Variants in WDR27 observed in about 807,000 individuals in gnomAD.
The protein encoded by WDR27 is WD repeat domain 27.
Under a neutral mutation model 114.4 loss-of-function variants are expected in WDR27, and 100 were observed. That is an observed-to-expected ratio of 0.87 (90% confidence interval 0.74 to 1.03). WDR27 has a LOEUF of 1.03. Among genes scored for constraint, WDR27 ranks in the 50% least tolerant of loss-of-function variants. The pLI, the probability that WDR27 is intolerant of heterozygous loss-of-function variation, is 0.00. For missense variants in WDR27, 1,129 were observed against 1,092.9 expected (o/e 1.03, Z -0.47); for synonymous variants, 449 against 423.1 (o/e 1.06, Z -0.75).
At chr6:169,583,301 G>GA (rs1202818129) in intron 23 of WDR27, among the ~76,000 whole-genome samples, 13 of 21,286 alleles carry the variant, frequency 6.1e-4, no homozygotes, top group South Asian at 5.3e-3. Context: ...AAATTGAATG[G>GA]AAAAAAAAAA....
intron 25 of WDR27, among the ~76,000 whole-genome samples, chr6:169,461,718 C>G (rs1784930704): frequency 7.1e-6 from 1 of 141,032 alleles, no homozygotes; most frequent in South Asian, 2.2e-4. Context: ...AGAGAAAGAA[C>G]AACAAGTGTT....
intron 8 of WDR27, among the ~76,000 whole-genome samples, chr6:169,662,856 C>T (rs1352844548): frequency 2.2e-5 from 3 of 139,454 alleles, no homozygotes; most frequent in Non-Finnish European, 3.1e-5. Context: ...GACGCGTGTG[C>T]ACCGCGGAGT....
rs556000474 is a variant in WDR27 at position 169,617,043 on chromosome 6, TA to T, written c.2224-3388del. On this transcript the variant is annotated intron_variant, in intron 21 of 25. Coordinates refer to ENST00000448612, the MANE Select transcript of WDR27 (RefSeq NM_182552.5). ...GACACCATGTGTAAGAGGCTAACGC[TA>T]GGCTCAACAATGCACAATGTTGCTG... Among the ~76,000 whole-genome samples the T allele has an allele frequency of 1.5e-3, 226 of 152,286 alleles. 1 individual carries two copies. The highest frequency in any genetic ancestry group is 2.3e-3 in the Non-Finnish European group (155 of 68,012).
chr6:169,666,996 A>G, intron 6 of WDR27, 140 bp downstream of exon 6: 1 of 1,279,774 alleles, frequency 7.8e-7, no homozygotes, highest in Non-Finnish European at 9.9e-7. Flanking sequence ...TGTGGACGGG[A>G]GTGAAGGGCT....
At position 169,644,585 on chromosome 6, in the gene WDR27, C is replaced by T. The variant is rs933278236; in HGVS notation, c.1658-799G>A. Among the ~76,000 whole-genome samples the T allele has an allele frequency of 6.7e-5, 10 of 149,786 alleles. 1 individual carries two copies. In the South Asian group the frequency reaches 1.3e-3, roughly 19 times the overall value. On this transcript the variant is annotated intron_variant, in intron 16 of 25. Coordinates refer to ENST00000448612, the MANE Select transcript of WDR27 (RefSeq NM_182552.5). ...GTCGAAAAGCCTAGTTCACAGGAGT[C>T]ACACTGTGGAAAACCCTAGTTCACA...
chr6:169,662,487 C>T lies in WDR27; in HGVS notation c.905-63G>A, dbSNP rs1826470024. On this transcript the variant is annotated intron_variant, in intron 8 of 25. Transcript: ENST00000448612. The stretch of plus-strand genomic sequence containing the variant: ...TAAATGCATCCGTCAAGTTTAAAGG[C>T]TGAGGACTGCCACACAGAGATGCTG... The T allele has an allele frequency of 1.9e-6, 3 of 1,583,212 alleles. No individual in the cohort carries two copies. The African/African-American group carries it at 4.0e-5, about 21-fold the overall frequency.
chr6:169,599,754 A>G (rs1807572817), intron 23 of WDR27, among the ~76,000 whole-genome samples: 1 of 151,686 alleles, frequency 6.6e-6, no homozygotes, highest in South Asian at 2.1e-4. Context: ...TTGTGTCTCT[A>G]TTTCCTTCAG....
At chr6:169,694,299 G>A (rs758959365) in intron 1 of WDR27, among the ~76,000 whole-genome samples, 7 of 152,098 alleles carry the variant, frequency 4.6e-5, no homozygotes, top group East Asian at 1.9e-4. Flanking sequence ...TGACAAAAGC[G>A]AAACTTTGTC....
At chr6:169,522,627 C>G (rs1182371590) in intron 25 of WDR27, among the ~76,000 whole-genome samples, 2 of 151,806 alleles carry the variant, frequency 1.3e-5, no homozygotes, top group Non-Finnish European at 2.9e-5. Context: ...TCTTTTTTGA[C>G]CACAATGAAA....
rs13207925 is a variant in WDR27, at chr6:169,570,242, G to A, written c.2645+2177C>T. ...GTGGTTTAGTCAACGAGAAAGACCT[G>A]GGTAGCTGACAACTTAACTTTCAAC... On this transcript the variant is annotated intron_variant, in intron 25 of 25. Transcript: ENST00000448612. Among the ~76,000 whole-genome samples the A allele has an allele frequency of 2.0e-5, 3 of 152,090 alleles. No individual in the cohort carries two copies. In the East Asian group the frequency reaches 5.8e-4, roughly 29 times the overall value.
At position 169,664,649 on chromosome 6, in the gene WDR27, G is replaced by T. The variant is rs966197139; in HGVS notation, c.784-363C>A. 4 of 1,063,948 alleles carry T rather than the reference G, an allele frequency of 3.8e-6. No homozygotes were observed. In the African/African-American group the frequency reaches 6.7e-5, roughly 18 times the overall value. 65.9% of individuals were successfully genotyped at this position (1,063,948 alleles called of 1,614,324 possible). On this transcript the variant is annotated intron_variant, in intron 7 of 25. Transcript: ENST00000448612. ...CCACATGCCCTGGGTGAGAAGACAA[G>T]GCAACAGCGGTCAACTTTGTCAAAA... is the stretch of plus-strand genomic sequence containing the variant.
rs1257209677 is a variant in WDR27 at position 169,672,379 on chromosome 6, T to C, written c.207A>G (p.Gly69=). 2.5e-6 allele frequency: 4 copies of C among 1,605,350 alleles called. No individual in the cohort carries two copies. Among genetic ancestry groups the C allele is most frequent in the Non-Finnish European group, 3.4e-6 (4 of 1,175,920 alleles). ...DPSHQLLILR[G]HHQPITAMAF... ...CCATAGCAGTAATTGGCTGATGGTG[T>C]CCTCGTAGGATTAGAAGCTGGGAAA... The change falls in exon 3 of 26, where the codon GGA becomes GGG. Residue 69 remains glycine, a synonymous_variant. Coordinates refer to ENST00000448612, the MANE Select transcript of WDR27 (RefSeq NM_182552.5).
At chr6:169,576,454 A>G (rs1165563020) in intron 24 of WDR27, among the ~76,000 whole-genome samples, 1 of 152,232 alleles carries the variant, frequency 6.6e-6, no homozygotes, top group Non-Finnish European at 1.5e-5. Flanking sequence ...GATGAAGATT[A>G]CCATAAAATA....
intron 25 of WDR27, among the ~76,000 whole-genome samples, chr6:169,547,810 TA>T (rs1387153728): frequency 6.7e-6 from 1 of 150,296 alleles, no homozygotes; most frequent in Non-Finnish European, 1.5e-5. Flanking sequence ...GCTAATGCAA[TA>T]AGACAAGAAA....
At chr6:169,621,654 ACATT>A (rs764251115) in intron 21 of WDR27, among the ~76,000 whole-genome samples, 10 of 151,748 alleles carry the variant, frequency 6.6e-5, no homozygotes, top group Non-Finnish European at 1.0e-4. Flanking sequence ...ACATACCCAC[ACATT>A]CATTCACGCA....
At chr6:169,552,297 G>A (rs1798256674) in intron 25 of WDR27, among the ~76,000 whole-genome samples, 2 of 152,022 alleles carry the variant, frequency 1.3e-5, no homozygotes, top group Admixed American at 1.3e-4. Context: ...TAATAAGCAC[G>A]TAGATGACCA....
intron 21 of WDR27, among the ~76,000 whole-genome samples, chr6:169,626,546 G>GA (rs1407417837): frequency 6.6e-6 from 1 of 152,156 alleles, no homozygotes; most frequent in Non-Finnish European, 1.5e-5. Flanking sequence ...CACCTTCCCT[G>GA]ACCCCGCCTT....
chr6:169,651,283 C>T (rs1584912577), intron 14 of WDR27, among the ~76,000 whole-genome samples: 1 of 151,098 alleles, frequency 6.6e-6, no homozygotes, highest in African/African-American at 2.4e-5. Flanking sequence ...GTGTGCGCTG[C>T]GGTCAGGGAC....
rs147888346 is a variant in WDR27 at position 169,548,893 on chromosome 6, C to T, written c.2645+23526G>A. ...GGACATAGACCTTACACCCTTCACA[C>T]AAAAGTTAACTCATAACTGATCACA... On this transcript the variant is annotated intron_variant, in intron 25 of 25. Coordinates refer to ENST00000448612, the MANE Select transcript of WDR27 (RefSeq NM_182552.5). Among the ~76,000 whole-genome samples the T allele has an allele frequency of 1.4e-4, 21 of 152,272 alleles. No homozygotes were observed. The East Asian group carries it at 3.9e-3, about 28-fold the overall frequency.
Sources: allele counts gnomAD v4.1 joint callset (sites outside exome capture counted in the v4.1 genomes callset), GRCh38; gene constraint gnomAD v4.1.1; transcripts MANE v1.5; gene names NCBI Gene and HGNC (gene_info 2026-07-23, HGNC 2026-07-21).